The following CNTNAP2 variants were observed in gnomAD, a reference collection of about 807,000 sequenced individuals.
CNTNAP2 encodes the protein contactin-associated protein-like 2.
A neutral mutation model predicts 155.2 loss-of-function variants in CNTNAP2; 98 were observed. The observed-to-expected ratio is 0.63, with a 90% confidence interval of 0.54 to 0.75. The LOEUF (loss-of-function observed/expected upper bound fraction) is 0.75, where lower values mean the gene tolerates loss of function less well. Among genes scored for constraint, CNTNAP2 ranks in the 30% least tolerant of loss-of-function variants. CNTNAP2 has a pLI of 0.00. For missense variants in CNTNAP2, 1,727 were observed against 1,688.1 expected, an observed-to-expected ratio of 1.02 and a Z score of -0.40; for synonymous variants, 651 against 631.2, an observed-to-expected ratio of 1.03 and a Z score of -0.47.
At chr7:147,089,401 C>G (rs568320023) in intron 4 of CNTNAP2, among the ~76,000 whole-genome samples, 2 of 152,318 alleles carry the variant, frequency 1.3e-5, no homozygotes, top group Non-Finnish European at 2.9e-5. Context: ...CACTGCGACT[C>G]ACACAGAGCC....
At chr7:147,047,453 C>T (rs746895312) in intron 4 of CNTNAP2, among the ~76,000 whole-genome samples, 1 of 151,772 alleles carries the variant, frequency 6.6e-6, no homozygotes, top group African/African-American at 2.4e-5. Flanking sequence ...GAATCTTGCT[C>T]ATATTTCTAT....
intron 20 of CNTNAP2, among the ~76,000 whole-genome samples, chr7:148,241,013 C>T (rs531526062): frequency 6.6e-6 from 1 of 152,294 alleles, no homozygotes; most frequent in South Asian, 2.1e-4. Flanking sequence ...AAATGGTAAT[C>T]TCCTCTGGCA....
chr7:147,083,435 T>C (rs570717089), intron 4 of CNTNAP2, among the ~76,000 whole-genome samples: 4 of 151,544 alleles, frequency 2.6e-5, no homozygotes, highest in Admixed American at 2.6e-4. Context: ...ATGTATATTG[T>C]AATGTGTACA....
At chr7:148,121,421 G>A (rs1804592550) in intron 16 of CNTNAP2, among the ~76,000 whole-genome samples, 1 of 152,214 alleles carries the variant, frequency 6.6e-6, no homozygotes, top group Non-Finnish European at 1.5e-5. Context: ...TTCCTTGTGT[G>A]AGGAATCACT....
chr7:146,547,998 T>A (rs758723929), intron 1 of CNTNAP2, among the ~76,000 whole-genome samples: 1 of 151,882 alleles, frequency 6.6e-6, no homozygotes, highest in Non-Finnish European at 1.5e-5. Flanking sequence ...GGGGTACATG[T>A]GTAGGTTTGT....
At chr7:146,903,971 G>A (rs776669231) in intron 3 of CNTNAP2, among the ~76,000 whole-genome samples, 43 of 152,010 alleles carry the variant, frequency 2.8e-4, no homozygotes, top group Non-Finnish European at 8.8e-5. Context: ...ATTGTACACC[G>A]TAAATATACA....
intron 3 of CNTNAP2, among the ~76,000 whole-genome samples, chr7:147,010,487 G>T (rs1178079112): frequency 6.6e-6 from 1 of 152,044 alleles, no homozygotes; most frequent in African/African-American, 2.4e-5. Context: ...ATCTATTTGT[G>T]CCAGAAAGTA....
In CNTNAP2 at chr7:148,229,275, G is replaced by A. The variant is rs553739217; in HGVS notation, c.3248-371G>A. On this transcript the variant is annotated intron_variant, in intron 19 of 23. Coordinates refer to ENST00000361727, the MANE Select transcript of CNTNAP2 (RefSeq NM_014141.6). ...ATGGTGGCTCACGCCTGTAATCCCA[G>A]CACTTTGGGAGGCTGAGGCGAACGG... is the stretch of plus-strand genomic sequence containing the variant. Among the ~76,000 whole-genome samples the A allele has an allele frequency of 5.3e-5, 8 of 152,358 alleles. No homozygotes were observed. In the South Asian group the frequency reaches 1.7e-3, roughly 32 times the overall value.
At chr7:147,601,383 C>T (rs956077080) in intron 12 of CNTNAP2, among the ~76,000 whole-genome samples, 5 of 146,152 alleles carry the variant, frequency 3.4e-5, no homozygotes, top group East Asian at 2.0e-4. Context: ...TGTTCTCTGG[C>T]GGGCAGGGGT....
chr7:147,084,477 C>T (rs569666926), intron 4 of CNTNAP2, among the ~76,000 whole-genome samples: 1 of 140,808 alleles, frequency 7.1e-6, no homozygotes, highest in African/African-American at 2.6e-5. Flanking sequence ...TGTATATACA[C>T]ATATATGCAC....
intron 1 of CNTNAP2, among the ~76,000 whole-genome samples, chr7:146,427,303 G>A (rs925961217): frequency 6.6e-6 from 1 of 152,126 alleles, no homozygotes; most frequent in African/African-American, 2.4e-5. Flanking sequence ...TTGGGAAAGA[G>A]CCAGATAGCA....
chr7:147,779,537 T>A (rs1477307304), intron 13 of CNTNAP2, among the ~76,000 whole-genome samples: 1 of 152,226 alleles, frequency 6.6e-6, no homozygotes, highest in Non-Finnish European at 1.5e-5. Flanking sequence ...TAGTTTATTA[T>A]GATCAATGTA....
chr7:146,906,977 A>G (rs1489344765), intron 3 of CNTNAP2, among the ~76,000 whole-genome samples: 3 of 148,762 alleles, frequency 2.0e-5, no homozygotes, highest in Admixed American at 6.7e-5. Flanking sequence ...GGAGCTGAAA[A>G]CCAAGGCTCG....
chr7:147,230,260 T>G (rs1375764743), intron 8 of CNTNAP2, among the ~76,000 whole-genome samples: 2 of 152,066 alleles, frequency 1.3e-5, no homozygotes, highest in Admixed American at 6.6e-5. Context: ...ATTTATTTAT[T>G]TATTTATTTA....
At chr7:146,561,066 G>A (rs1225034194) in intron 1 of CNTNAP2, among the ~76,000 whole-genome samples, 1 of 152,090 alleles carries the variant, frequency 6.6e-6, no homozygotes, top group East Asian at 1.9e-4. Context: ...TTAAAAACAT[G>A]TCTGCATTAT....
intron 21 of CNTNAP2, among the ~76,000 whole-genome samples, chr7:148,280,261 GA>G (rs1796948421): frequency 3.3e-5 from 5 of 152,122 alleles, no homozygotes. Context: ...AGTGAGCCAA[GA>G]TCATGCTACT....
chr7:146,622,863 A>C (rs1799351914), intron 1 of CNTNAP2, among the ~76,000 whole-genome samples: 1 of 151,866 alleles, frequency 6.6e-6, no homozygotes, highest in Admixed American at 6.6e-5. Context: ...AGGCTGAGAC[A>C]GGAGAATTGC....
At chr7:148,309,689 C>CA (rs1797557497) in intron 21 of CNTNAP2, among the ~76,000 whole-genome samples, 1 of 152,184 alleles carries the variant, frequency 6.6e-6, no homozygotes, top group South Asian at 2.1e-4. Context: ...ATAATGTCAT[C>CA]AGTTAAGGCA....
chr7:146,275,043 A>G (rs1800142588), intron 1 of CNTNAP2, among the ~76,000 whole-genome samples: 1 of 152,152 alleles, frequency 6.6e-6, no homozygotes, highest in East Asian at 1.9e-4. Flanking sequence ...CCAGGCTTTC[A>G]TATAGACTTG....
Sources: gnomAD v4.1 joint callset for allele counts (sites outside exome capture counted in the v4.1 genomes callset) on GRCh38, gnomAD v4.1.1 for gene constraint, MANE v1.5 for transcripts, NCBI Gene and HGNC (gene_info 2026-07-23, HGNC 2026-07-21) for gene names.